The following ANKRD55 variants were observed in gnomAD, a reference collection of about 807,000 sequenced individuals.
ANKRD55 encodes the protein ankyrin repeat domain-containing protein 55.
Under a neutral mutation model 60.6 loss-of-function variants are expected in ANKRD55, and 41 were observed. The ratio of observed to expected loss-of-function variants is 0.68; its 90% CI spans 0.53 to 0.88. The LOEUF (loss-of-function observed/expected upper bound fraction) is 0.88, where lower values mean the gene tolerates loss of function less well. ANKRD55 is among the 40% of genes least tolerant of loss of function. ANKRD55 has a pLI of 0.00. For missense variants in ANKRD55, 732 were observed against 767.6 expected, an observed-to-expected ratio of 0.95 and a Z score of 0.55; for synonymous variants, 264 against 290.3, an observed-to-expected ratio of 0.91 and a Z score of 0.92.
intron 2 of ANKRD55, among the ~76,000 whole-genome samples, chr5:56,215,847 A>G (rs1759792471): frequency 2.0e-5 from 3 of 152,066 alleles, no homozygotes; most frequent in African/African-American, 7.3e-5. Flanking sequence ...ACCCAGAGTG[A>G]TAGCTCTTTT....
chr5:56,212,264 A>G (rs1369182026), intron 2 of ANKRD55, among the ~76,000 whole-genome samples: 2 of 152,314 alleles, frequency 1.3e-5, no homozygotes, highest in East Asian at 3.9e-4. Context: ...AAAATATGTC[A>G]TACCAATAGA....
At position 56,176,195 on chromosome 5, in the gene ANKRD55, T is replaced by C; in HGVS notation, c.269A>G (p.Gln90Arg). The change falls in exon 4 of 12, where the codon CAG becomes CGG. Residue 90 changes from glutamine to arginine, a missense_variant. Gln to Arg is a conservative substitution (Grantham distance 43, BLOSUM62 1). Around this residue, in one of 3 missense-constraint regions of ANKRD55, gnomAD observed 131 missense variants for 142.7 expected, o/e 0.92. Transcript: ENST00000341048. ...TAAACTTGTGCGGCCATAAGCATCC[T>C]GCATGTTAATATTGGCTCCCATCTT... ...LLKMGANINM[Q>R]DAYGRTSLCL... 1.9e-6 allele frequency: 3 copies of C among 1,614,208 alleles called. No individual in the cohort carries two copies. Among genetic ancestry groups the C allele is most frequent in the Non-Finnish European group, 2.5e-6 (3 of 1,180,034 alleles).
chr5:56,219,237 C>T (rs978153759), intron 2 of ANKRD55, among the ~76,000 whole-genome samples: 1 of 140,758 alleles, frequency 7.1e-6, no homozygotes, highest in East Asian at 2.1e-4. Context: ...CGTGCCACTG[C>T]ACTCCAGCCT....
At chr5:56,181,588 T>C (rs1758849949) in intron 3 of ANKRD55, among the ~76,000 whole-genome samples, 1 of 143,070 alleles carries the variant, frequency 7.0e-6, no homozygotes, top group South Asian at 2.1e-4. Flanking sequence ...TGGTGTATGA[T>C]ATTCTTTTTG....
At chr5:56,143,452 A>G (rs938648560) in intron 7 of ANKRD55, among the ~76,000 whole-genome samples, 5 of 152,164 alleles carry the variant, frequency 3.3e-5, no homozygotes, top group African/African-American at 1.2e-4. Flanking sequence ...ATTTGGAAGC[A>G]AGAAGAGAGT....
chr5:56,183,479 A>C, intron 3 of ANKRD55, 33 bp downstream of exon 3: 1 of 1,612,272 alleles, frequency 6.2e-7, no homozygotes, highest in Non-Finnish European at 8.5e-7. Flanking sequence ...ATAGAGCAGA[A>C]CATTCTGGAT....
chr5:56,157,844 G>A (rs1372291527), intron 6 of ANKRD55, among the ~76,000 whole-genome samples: 2 of 152,082 alleles, frequency 1.3e-5, no homozygotes, highest in South Asian at 2.1e-4. Context: ...TATGCTGAGC[G>A]CCAGTCCCGT....
At chr5:56,216,516 A>C (rs1397772323) in intron 2 of ANKRD55, among the ~76,000 whole-genome samples, 1 of 152,244 alleles carries the variant, frequency 6.6e-6, no homozygotes, top group Admixed American at 6.5e-5. Context: ...ACCAGAAACA[A>C]GTCCTCTTGT....
At chr5:56,229,860 G>A (rs1561301240) in intron 2 of ANKRD55, among the ~76,000 whole-genome samples, 1 of 152,110 alleles carries the variant, frequency 6.6e-6, no homozygotes, top group African/African-American at 2.4e-5. Context: ...AGTCCCCTCT[G>A]TTGCTATTTA....
At chr5:56,225,861 C>T (rs540110862) in intron 2 of ANKRD55, among the ~76,000 whole-genome samples, 67 of 152,318 alleles carry the variant, frequency 4.4e-4, no homozygotes, top group East Asian at 2.3e-3. Flanking sequence ...AAGAACATTC[C>T]ATGCTCATGG....
At chr5:56,124,531 G>A (rs1333915540) in intron 8 of ANKRD55, among the ~76,000 whole-genome samples, 1 of 151,424 alleles carries the variant, frequency 6.6e-6, no homozygotes, top group African/African-American at 2.4e-5. Flanking sequence ...TTTTTGAGAC[G>A]GAGTCTCGCT....
At chr5:56,172,431 A>G (rs2111815886) in intron 4 of ANKRD55, among the ~76,000 whole-genome samples, 1 of 152,318 alleles carries the variant, frequency 6.6e-6, no homozygotes, top group Middle Eastern at 3.4e-3. Context: ...CAGAGACCCA[A>G]AAGAAAGGCA....
chr5:56,126,392 C>T (rs911409828), intron 8 of ANKRD55, among the ~76,000 whole-genome samples: 3 of 152,126 alleles, frequency 2.0e-5, no homozygotes, highest in African/African-American at 7.2e-5. Flanking sequence ...TAGTATCTAA[C>T]TAGCTCTGAC....
intron 10 of ANKRD55, among the ~76,000 whole-genome samples, chr5:56,105,145 A>G (rs1349684138): frequency 6.8e-6 from 1 of 146,378 alleles, no homozygotes; most frequent in African/African-American, 2.6e-5. Context: ...GGAATGCAGT[A>G]GTGCCATCGT....
chr5:56,122,756 G>A (rs1757109120), intron 8 of ANKRD55, among the ~76,000 whole-genome samples: 1 of 151,348 alleles, frequency 6.6e-6, no homozygotes, highest in Non-Finnish European at 1.5e-5. Flanking sequence ...GAGGCAAAGG[G>A]CAAAGGGCAA....
At chr5:56,182,597 T>C (rs1758874207) in intron 3 of ANKRD55, among the ~76,000 whole-genome samples, 2 of 152,228 alleles carry the variant, frequency 1.3e-5, no homozygotes, top group Admixed American at 1.3e-4. Flanking sequence ...GATTATTTTT[T>C]CATTCAGTTT....
intron 7 of ANKRD55, among the ~76,000 whole-genome samples, chr5:56,143,362 A>G (rs952763849): frequency 1.3e-5 from 2 of 152,134 alleles, no homozygotes; most frequent in Non-Finnish European, 2.9e-5. Context: ...CTTATGTGAT[A>G]GTGATGCAGG....
intron 6 of ANKRD55, among the ~76,000 whole-genome samples, chr5:56,151,660 A>G (rs918936638): frequency 1.3e-5 from 2 of 151,942 alleles, no homozygotes; most frequent in Non-Finnish European, 2.9e-5. Flanking sequence ...AAAAAATACA[A>G]AAATTAACCG....
chr5:56,101,864 T>A (rs223079), intron 11 of ANKRD55, among the ~76,000 whole-genome samples: 1 of 151,892 alleles, frequency 6.6e-6, no homozygotes, highest in East Asian at 1.9e-4. Context: ...GTAAGGAAAC[T>A]GATATCAGGA....
Sources: allele counts gnomAD v4.1 joint callset (sites outside exome capture counted in the v4.1 genomes callset), GRCh38; gene constraint gnomAD v4.1.1; regional missense constraint gnomAD v4.1.1; transcripts MANE v1.5; gene names NCBI Gene and HGNC (gene_info 2026-07-23, HGNC 2026-07-21).